The following MOB1B variants were observed in gnomAD, a reference collection of about 807,000 sequenced individuals.
MOB1B encodes MOB1 Mps One Binder homolog B.
MOB1B carries 19 observed loss-of-function variants against 24.4 expected under a neutral mutation model. That is an observed-to-expected ratio of 0.78 (90% CI 0.54 to 1.14). The LOEUF is 1.14. Ranked by LOEUF, MOB1B falls within the 50% of genes most tolerant of loss-of-function variation. The pLI, the probability that MOB1B is intolerant of heterozygous loss-of-function variation, is 0.00. For synonymous variants in MOB1B, 76 were observed against 82.1 expected, an observed-to-expected ratio of 0.93 and a Z score of 0.40; for missense variants, 243 against 259.6, an observed-to-expected ratio of 0.94 and a Z score of 0.44.
rs149509297 is a variant in MOB1B at position 70,962,675 on chromosome 4, A to G, written c.181+3635A>G. 8.0e-4 allele frequency among the ~76,000 whole-genome samples: 122 copies of G among 152,226 alleles called. 1 individual carries two copies. The East Asian group carries it at 0.022, about 28-fold the overall frequency. On this transcript the variant is annotated intron_variant, in intron 2 of 5. Coordinates refer to ENST00000309395, the MANE Select transcript of MOB1B (RefSeq NM_173468.4). Reference sequence around the variant, plus strand: ...CATACAAAACCAAAAGTGTGCTTTTAAAAGAAAAAATTAATAAATTAGACC... The same window carrying G: ...CATACAAAACCAAAAGTGTGCTTTTGAAAGAAAAAATTAATAAATTAGACC...
At chr4:70,980,962 G>T (rs1222067950) in intron 5 of MOB1B, among the ~76,000 whole-genome samples, 1 of 152,044 alleles carries the variant, frequency 6.6e-6, no homozygotes, top group Non-Finnish European at 1.5e-5. Context: ...TAGGCACCTG[G>T]GGCTGGCTTT....
intron 1 of MOB1B, among the ~76,000 whole-genome samples, chr4:70,917,551 G>A (rs1736242169): frequency 1.3e-5 from 2 of 152,306 alleles, no homozygotes; most frequent in Admixed American, 1.3e-4. Flanking sequence ...TGAACCCAAA[G>A]TTCAAGGTCC....
intron 3 of MOB1B, among the ~76,000 whole-genome samples, chr4:70,971,547 C>T (rs560431652): frequency 6.6e-6 from 1 of 151,830 alleles, no homozygotes; most frequent in East Asian, 1.9e-4. Context: ...TAGGTGTCTC[C>T]TAGTTTTATC....
chr4:70,927,370 T>C (rs769813072), intron 1 of MOB1B, among the ~76,000 whole-genome samples: 16 of 151,930 alleles, frequency 1.1e-4, no homozygotes, highest in Non-Finnish European at 2.1e-4. Context: ...GAAACCCCCG[T>C]CTCTACTAAA....
intron 1 of MOB1B, among the ~76,000 whole-genome samples, chr4:70,933,139 G>A (rs1235085322): frequency 6.6e-6 from 1 of 152,046 alleles, no homozygotes; most frequent in Non-Finnish European, 1.5e-5. Context: ...TTCTTCACAT[G>A]GTGACAGGAG....
chr4:70,974,690 C>T (rs1354188136), intron 3 of MOB1B, among the ~76,000 whole-genome samples: 2 of 152,150 alleles, frequency 1.3e-5, no homozygotes, highest in Non-Finnish European at 2.9e-5. Flanking sequence ...TTCTCATCTT[C>T]ATTAATCTTA....
At chr4:70,967,270 A>G (rs568318416) in intron 2 of MOB1B, among the ~76,000 whole-genome samples, 8 of 152,086 alleles carry the variant, frequency 5.3e-5, no homozygotes, top group African/African-American at 1.9e-4. Context: ...AGTAGCTGGG[A>G]CTACGGGCGC....
intron 1 of MOB1B, among the ~76,000 whole-genome samples, chr4:70,937,415 C>T (rs760912060): frequency 2.6e-4 from 39 of 151,882 alleles, no homozygotes; most frequent in Admixed American, 3.9e-4. Flanking sequence ...AGGAAAATAT[C>T]CTGATTTATT....
At chr4:70,920,348 C>T (rs1273854436) in intron 1 of MOB1B, among the ~76,000 whole-genome samples, 1 of 152,110 alleles carries the variant, frequency 6.6e-6, no homozygotes, top group Non-Finnish European at 1.5e-5. Flanking sequence ...CCTCAGCCTC[C>T]CAAGTAACTG....
At position 70,970,004 on chromosome 4, in the gene MOB1B, A is replaced by G. The variant is rs769488403; in HGVS notation, c.255A>G (p.Pro85=). The G allele has an allele frequency of 6.3e-7, 1 of 1,591,144 alleles. No individual in the cohort carries two copies. Among genetic ancestry groups the G allele is most frequent in the Non-Finnish European group, 8.6e-7 (1 of 1,165,146 alleles). Residue 85 remains proline, a synonymous_variant, in exon 3 of 6, where the codon CCA becomes CCG. Coordinates refer to ENST00000309395, the MANE Select transcript of MOB1B (RefSeq NM_173468.4). ...ACTTCTGTACAGAAGAGAGTTGTCCAGTGATGTCAGCTGGCCCAAAGTAAG... is the reference window on the plus strand; with the variant it reads ...ACTTCTGTACAGAAGAGAGTTGTCCGGTGATGTCAGCTGGCCCAAAGTAAG... The part of the protein sequence containing the change: ...ITDFCTEESC[P]VMSAGPKYEY...
chr4:70,974,938 A>G (rs1366265793), intron 3 of MOB1B, among the ~76,000 whole-genome samples: 1 of 152,228 alleles, frequency 6.6e-6, no homozygotes, highest in Non-Finnish European at 1.5e-5. Context: ...TGAGGAGAGC[A>G]TAGAAACAAA....
chr4:70,906,435 CAA>C (rs1200876286), intron 1 of MOB1B, among the ~76,000 whole-genome samples: 1 of 151,962 alleles, frequency 6.6e-6, no homozygotes, highest in African/African-American at 2.4e-5. Context: ...CCATTTGTGA[CAA>C]GAGAGAAAAA....
chr4:70,982,082 T>C lies in MOB1B; in HGVS notation c.*25T>C. The C allele has an allele frequency of 6.5e-7, 1 of 1,540,208 alleles. No individual in the cohort carries two copies. Among genetic ancestry groups the C allele is most frequent in the Non-Finnish European group, 9.0e-7 (1 of 1,114,584 alleles). Reference sequence around the variant, plus strand: ...AAAGGATGCAGAGCTGTGCAAATTGTTCCTCAAATGAAGCAGTGTGGAGTG... The same window carrying C: ...AAAGGATGCAGAGCTGTGCAAATTGCTCCTCAAATGAAGCAGTGTGGAGTG... On this transcript the variant is annotated 3_prime_UTR_variant, in exon 6 of 6. Transcript: ENST00000309395.
intron 1 of MOB1B, among the ~76,000 whole-genome samples, chr4:70,933,273 C>T (rs542673689): frequency 2.0e-5 from 3 of 152,252 alleles, no homozygotes; most frequent in East Asian, 1.9e-4. Flanking sequence ...CCTCCCACCA[C>T]GCCCCTCCTC....
chr4:70,904,758 C>CAA (rs376732470), intron 1 of MOB1B, among the ~76,000 whole-genome samples: 9 of 62,562 alleles, frequency 1.4e-4, no homozygotes, highest in East Asian at 1.1e-3. Context: ...GACTCTGTCT[C>CAA]AAAAAAAAAA....
chr4:70,908,064 C>T (rs143029573), intron 1 of MOB1B, among the ~76,000 whole-genome samples: 2,491 of 145,356 alleles, frequency 0.017, 28 homozygotes, highest in Middle Eastern at 0.042. Flanking sequence ...CTCGCTTTTT[C>T]GCCCAGGCTG....
In MOB1B at chr4:70,975,165, T is replaced by C. The variant is rs761645813; in HGVS notation, c.288T>C (p.His96=). 18 of 1,606,954 alleles carry C rather than the reference T, an allele frequency of 1.1e-5. No individual in the cohort carries two copies. In the South Asian group the frequency reaches 1.3e-4, roughly 12 times the overall value. ...VMSAGPKYEY[H]WADGTNIKKP... Reference sequence around the variant, plus strand: ...CTCTCCAATGCAGATATGAGTATCATTGGGCAGATGGAACGAACATAAAGA... The same window carrying C: ...CTCTCCAATGCAGATATGAGTATCACTGGGCAGATGGAACGAACATAAAGA... Residue 96 remains histidine (H), a synonymous_variant, in exon 4 of 6, where the codon CAT becomes CAC. Coordinates refer to ENST00000309395, the MANE Select transcript of MOB1B (RefSeq NM_173468.4).
rs562805465 is a variant in MOB1B at position 70,950,393 on chromosome 4, C to G, written c.15-8481C>G. 4.2e-3 allele frequency among the ~76,000 whole-genome samples: 632 copies of G among 148,746 alleles called. 4 individuals carry two copies. Among genetic ancestry groups the G allele is most frequent in the Admixed American group, 8.3e-3 (124 of 14,926 alleles). ...GGATGAGCCAAGATCGGGTCACAGC[C>G]CTCTAGCCTGGGTGACAGAGCAAGT... On this transcript the variant is annotated intron_variant, in intron 1 of 5. Coordinates refer to ENST00000309395, the MANE Select transcript of MOB1B (RefSeq NM_173468.4).
chr4:70,975,156 T>C lies in MOB1B; in HGVS notation c.279T>C (p.Tyr93=), dbSNP rs151253864. The C allele has an allele frequency of 8.1e-6, 13 of 1,601,910 alleles. No individual in the cohort carries two copies. The highest frequency in any genetic ancestry group is 7.0e-5 in the Admixed American group (4 of 57,060). The change falls in exon 4 of 6, where the codon TAT becomes TAC. Residue 93 remains tyrosine, a synonymous_variant. Coordinates refer to ENST00000309395, the MANE Select transcript of MOB1B (RefSeq NM_173468.4). ...SCPVMSAGPK[Y]EYHWADGTNI... ...GCTTTTTATCTCTCCAATGCAGATATGAGTATCATTGGGCAGATGGAACGA... is the reference window on the plus strand; with the variant it reads ...GCTTTTTATCTCTCCAATGCAGATACGAGTATCATTGGGCAGATGGAACGA...
Sources: allele counts gnomAD v4.1 joint callset (sites outside exome capture counted in the v4.1 genomes callset), GRCh38; gene constraint gnomAD v4.1.1; transcripts MANE v1.5; gene names NCBI Gene and HGNC (gene_info 2026-07-23, HGNC 2026-07-21).